The following CALN1 variants were observed in gnomAD, a reference collection of about 807,000 sequenced individuals.
CALN1 encodes calcium-binding protein 8.
Under a neutral mutation model 30.6 loss-of-function variants are expected in CALN1, and 17 were observed. The observed-to-expected ratio is 0.56, with a 90% CI of 0.38 to 0.83. The LOEUF is 0.83. CALN1 is among the 40% of genes least tolerant of loss of function. The pLI is 0.00. For synonymous variants in CALN1, 156 were observed against 131.4 expected (o/e 1.19, Z -1.28); for missense variants, 291 against 354.9 (o/e 0.82, Z 1.45).
intron 5 of CALN1, among the ~76,000 whole-genome samples, chr7:71,843,873 C>G (rs951913975): frequency 2.0e-5 from 3 of 152,156 alleles, no homozygotes; most frequent in African/African-American, 7.2e-5. Flanking sequence ...AATCTGCACA[C>G]AGATGGCGTT....
chr7:72,224,312 C>A (rs1001451285), intron 3 of CALN1, among the ~76,000 whole-genome samples: 1 of 152,116 alleles, frequency 6.6e-6, no homozygotes, highest in African/African-American at 2.4e-5. Context: ...AAAGACAGGG[C>A]AACGCCAGCA....
intron 3 of CALN1, among the ~76,000 whole-genome samples, chr7:72,119,773 TCAC>T (rs1808250048): frequency 6.6e-6 from 1 of 152,064 alleles, no homozygotes; most frequent in Admixed American, 6.5e-5. Flanking sequence ...TGAGACTTGT[TCAC>T]CACCACAAGA....
chr7:72,348,455 AGAG>A (rs1475550519), intron 2 of CALN1, among the ~76,000 whole-genome samples: 3 of 152,206 alleles, frequency 2.0e-5, no homozygotes, highest in Non-Finnish European at 2.9e-5. Context: ...AGAGAACTGG[AGAG>A]GAGAAGGCAA....
chr7:72,271,301 C>T (rs1326809062), intron 3 of CALN1, among the ~76,000 whole-genome samples: 5 of 152,096 alleles, frequency 3.3e-5, no homozygotes, highest in South Asian at 2.1e-4. Context: ...GCAACAAAAA[C>T]CAACCCCAGG....
chr7:72,342,670 G>A (rs756556477), intron 2 of CALN1, among the ~76,000 whole-genome samples: 1 of 152,084 alleles, frequency 6.6e-6, no homozygotes, highest in Non-Finnish European at 1.5e-5. Context: ...GGGATTCAGA[G>A]TTACACAAAT....
At chr7:72,494,570 C>A in the CALN1 span, among the ~76,000 whole-genome samples, 3 of 152,144 alleles carry the variant, frequency 2.0e-5, no homozygotes, top group Non-Finnish European at 2.9e-5. Context: ...ACACATGTCT[C>A]GGGTACCACA....
intron 2 of CALN1, among the ~76,000 whole-genome samples, chr7:72,397,359 G>A (rs1295633069): frequency 2.0e-5 from 3 of 152,166 alleles, no homozygotes; most frequent in African/African-American, 7.2e-5. Context: ...TCAAGGTTGA[G>A]GCCACAGGAG....
In CALN1 at chr7:72,357,298, C is replaced by T. The variant is rs536788296; in HGVS notation, c.119+45953G>A. On this transcript the variant is annotated intron_variant, in intron 2 of 6. Transcript: ENST00000395275. ...CCCCCGACCCCAAGCTGAGATCTGGCGATGTGGTTGGACTCGGAATGAGAA... is the reference window on the plus strand; with the variant it reads ...CCCCCGACCCCAAGCTGAGATCTGGTGATGTGGTTGGACTCGGAATGAGAA... Among the ~76,000 whole-genome samples the T allele has an allele frequency of 3.7e-4, 56 of 152,010 alleles. 2 individuals carry two copies. The highest frequency in any genetic ancestry group is 1.3e-3 in the African/African-American group (52 of 41,300).
chr7:72,127,173 G>C (rs553149505), intron 3 of CALN1, among the ~76,000 whole-genome samples: 1 of 151,892 alleles, frequency 6.6e-6, no homozygotes, highest in Non-Finnish European at 1.5e-5. Flanking sequence ...TCTGAGCAAA[G>C]ACTTGAGGTA....
At chr7:72,096,347 T>G (rs1806232672) in intron 4 of CALN1, among the ~76,000 whole-genome samples, 1 of 152,166 alleles carries the variant, frequency 6.6e-6, no homozygotes, top group Non-Finnish European at 1.5e-5. Flanking sequence ...CTCCTCATCA[T>G]CTCACATGTA....
At chr7:72,211,678 A>C (rs1792406947) in intron 3 of CALN1, among the ~76,000 whole-genome samples, 1 of 152,228 alleles carries the variant, frequency 6.6e-6, no homozygotes, top group African/African-American at 2.4e-5. Flanking sequence ...ATATCATTGC[A>C]TGTGCTTGTT....
intron 5 of CALN1, among the ~76,000 whole-genome samples, chr7:71,864,666 T>TA (rs1791486140): frequency 6.6e-6 from 1 of 152,172 alleles, no homozygotes; most frequent in Non-Finnish European, 1.5e-5. Flanking sequence ...TGAGTTGTTT[T>TA]AAATCACTAA....
intron 5 of CALN1, among the ~76,000 whole-genome samples, chr7:71,971,953 A>AAGAAAGAAAGCAAGAAAG (rs1797838362): frequency 1.4e-5 from 1 of 72,838 alleles, no homozygotes; most frequent in African/African-American, 7.0e-5. Flanking sequence ...AAAAAAAAAA[A>AAGAAAGAAAGCAAGAAAG]AAAGAAAGAA....
chr7:71,916,884 G>A (rs987772456), intron 5 of CALN1, among the ~76,000 whole-genome samples: 1 of 152,074 alleles, frequency 6.6e-6, no homozygotes, highest in Admixed American at 6.6e-5. Context: ...TCTTTCCCTG[G>A]GCCACAGACA....
chr7:72,337,237 C>A lies in CALN1; in HGVS notation c.120-58427G>T, dbSNP rs1802126467. 4.1e-6 allele frequency: 4 copies of A among 985,274 alleles called. No individual in the cohort carries two copies. The Admixed American group carries it at 2.5e-4, about 61-fold the overall frequency. The allele number at this position is 985,274 out of a possible 1,614,324, so 61.0% of individuals were successfully genotyped here. On this transcript the variant is annotated intron_variant, in intron 2 of 6. Transcript: ENST00000395275. The stretch of plus-strand genomic sequence containing the variant: ...GCCTTGCCGCCGACAGCACCACACT[C>A]CTCGCTCTGCCGGCGCCCGCGTTCA...
the CALN1 span, among the ~76,000 whole-genome samples, chr7:72,473,878 G>A: frequency 2.2e-4 from 33 of 148,422 alleles, no homozygotes; most frequent in African/African-American, 7.7e-4. Context: ...GCAGTGAGCC[G>A]AGATCACACC....
intron 3 of CALN1, among the ~76,000 whole-genome samples, chr7:72,233,181 T>C (rs1794229267): frequency 6.7e-6 from 1 of 149,568 alleles, no homozygotes; most frequent in Non-Finnish European, 1.5e-5. Context: ...ATAAAGATCA[T>C]TCTGTAAAAA....
At chr7:72,121,186 T>C (rs951145789) in intron 3 of CALN1, among the ~76,000 whole-genome samples, 31 of 144,776 alleles carry the variant, frequency 2.1e-4, no homozygotes, top group Non-Finnish European at 3.9e-4. Context: ...TTATATATTA[T>C]GTATTATATT....
the CALN1 span, among the ~76,000 whole-genome samples, chr7:72,452,862 G>A: frequency 2.0e-5 from 3 of 152,150 alleles, no homozygotes; most frequent in Admixed American, 1.3e-4. Flanking sequence ...TCAGCTCCAG[G>A]ATACCCACAG....
Sources: gnomAD v4.1 joint callset for allele counts (sites outside exome capture counted in the v4.1 genomes callset) on GRCh38, gnomAD v4.1.1 for gene constraint, MANE v1.5 for transcripts, NCBI Gene and HGNC (gene_info 2026-07-23, HGNC 2026-07-21) for gene names.